ACSM3: variants seen among roughly 807,000 people sequenced by gnomAD.
ACSM3 encodes the protein acyl-CoA synthetase medium chain family member 3.
A neutral mutation model predicts 74.1 loss-of-function variants in ACSM3; 61 were observed. The observed-to-expected ratio is 0.82, with a 90% CI of 0.67 to 1.02. The LOEUF (loss-of-function observed/expected upper bound fraction) is 1.02. ACSM3 is among the 50% of genes least tolerant of loss of function. The pLI is 0.00. For missense variants in ACSM3, 660 were observed against 697.0 expected (o/e 0.95, Z 0.60); for synonymous variants, 213 against 241.5 (o/e 0.88, Z 1.09).
chr16:20,797,014 A>G lies in ACSM3; in HGVS notation c.*42A>G, dbSNP rs1186904021. On this transcript the variant is annotated 3_prime_UTR_variant, in exon 14 of 14. Coordinates refer to ENST00000289416, the MANE Select transcript of ACSM3 (RefSeq NM_005622.4). Reference sequence around the variant, plus strand: ...ACCATATCTATAAAACAAACATAGTATCTGTCAATCTCTAGAAACCACAAG... The same window carrying G: ...ACCATATCTATAAAACAAACATAGTGTCTGTCAATCTCTAGAAACCACAAG... The G allele has an allele frequency of 6.3e-7, 1 of 1,596,576 alleles. No homozygotes were observed. The highest frequency in any genetic ancestry group is 8.5e-7 in the Non-Finnish European group (1 of 1,174,144).
At chr16:20,683,164 C>T (rs1244049234) in intron 1 of ACSM3, among the ~76,000 whole-genome samples, 1 of 151,980 alleles carries the variant, frequency 6.6e-6, no homozygotes, top group Admixed American at 6.6e-5. Context: ...GTCACCCAGG[C>T]TGGAGTGCAG....
Position 20,780,800 on chromosome 16 carries a change from C to T in ACSM3, c.725C>T (p.Pro242Leu), listed in dbSNP as rs137879235. 1.6e-3 allele frequency: 2,513 copies of T among 1,614,168 alleles called. 2 individuals are homozygous for T. Among genetic ancestry groups the T allele is most frequent in the Non-Finnish European group, 2.0e-3 (2,325 of 1,180,024 alleles). ...TTTACCAGTGGAACAAGTGGATATCCGAAAATGACTGCACACACCCACAGC... is the reference window on the plus strand; with the variant it reads ...TTTACCAGTGGAACAAGTGGATATCTGAAAATGACTGCACACACCCACAGC... ...IFFTSGTSGY[P>L]KMTAHTHSSF... Residue 242 changes from proline to leucine, a missense_variant, in exon 5 of 14, where the codon CCG becomes CTG. Pro to Leu is a moderately conservative substitution (Grantham distance 98, BLOSUM62 -3). Transcript: ENST00000289416.
intron 1 of ACSM3, among the ~76,000 whole-genome samples, chr16:20,769,555 C>A (rs1207262717): frequency 1.3e-5 from 2 of 152,196 alleles, no homozygotes; most frequent in Non-Finnish European, 2.9e-5. Flanking sequence ...ACATTTCTAC[C>A]CTACTTTGAA....
chr16:20,690,083 T>G (rs988698021), intron 1 of ACSM3, among the ~76,000 whole-genome samples: 4 of 152,342 alleles, frequency 2.6e-5, no homozygotes, highest in African/African-American at 9.6e-5. Flanking sequence ...GAGGTTACTA[T>G]GCAAATTCAG....
At chr16:20,739,232 G>C (rs1240940820) in intron 1 of ACSM3, among the ~76,000 whole-genome samples, 7 of 151,394 alleles carry the variant, frequency 4.6e-5, no homozygotes, top group Non-Finnish European at 8.8e-5. Context: ...CTGGAGTGCA[G>C]TGGTGCGATC....
At chr16:20,782,967 T>C (rs796731962) in intron 7 of ACSM3, among the ~76,000 whole-genome samples, 3 of 152,284 alleles carry the variant, frequency 2.0e-5, no homozygotes, top group African/African-American at 7.2e-5. Flanking sequence ...TCTCCAAACC[T>C]CATACTTCAG....
At chr16:20,765,451 C>G (rs974821501) in intron 1 of ACSM3, among the ~76,000 whole-genome samples, 1 of 152,060 alleles carries the variant, frequency 6.6e-6, no homozygotes. Flanking sequence ...TTTCAACATA[C>G]GTTTGAAGGA....
At chr16:20,789,425 G>C in intron 9 of ACSM3, 1 of 1,298,082 alleles carries the variant, frequency 7.7e-7, no homozygotes, top group Non-Finnish European at 1.1e-6. Flanking sequence ...AGACACTTCA[G>C]GGAATGATGA....
At chr16:20,714,991 C>T (rs965828921) in intron 1 of ACSM3, among the ~76,000 whole-genome samples, 33 of 96,402 alleles carry the variant, frequency 3.4e-4, no homozygotes, top group African/African-American at 6.4e-4. Context: ...GATGGATAGA[C>T]GAAAGATAGA....
chr16:20,768,586 G>C (rs2152453851), intron 1 of ACSM3, among the ~76,000 whole-genome samples: 1 of 152,214 alleles, frequency 6.6e-6, no homozygotes, highest in South Asian at 2.1e-4. Context: ...AATGGGCCCA[G>C]AGCCCACTCT....
intron 1 of ACSM3, chr16:20,679,613 T>C (rs978834729): frequency 3.3e-5 from 5 of 152,218 alleles, no homozygotes; most frequent in Admixed American, 1.3e-4. Flanking sequence ...TTTCTGCCTA[T>C]ACTAGAAGGG....
In ACSM3 at chr16:20,797,024, C is replaced by CTA. The variant is rs756687056; in HGVS notation, c.*53_*54insAT. The CTA allele has an allele frequency of 2.3e-5, 36 of 1,588,028 alleles. No individual in the cohort carries two copies. In the East Asian group the frequency reaches 7.7e-4, roughly 34 times the overall value. On this transcript the variant is annotated 3_prime_UTR_variant, in exon 14 of 14. Coordinates refer to ENST00000289416, the MANE Select transcript of ACSM3 (RefSeq NM_005622.4). ...TAAAACAAACATAGTATCTGTCAAT[C>CTA]TCTAGAAACCACAAGATGATGGAGA...
intron 1 of ACSM3, among the ~76,000 whole-genome samples, chr16:20,694,150 C>T (rs1315717302): frequency 6.6e-6 from 1 of 152,194 alleles, no homozygotes; most frequent in Non-Finnish European, 1.5e-5. Context: ...TTCCTTTGTT[C>T]TCCTCTACCT....
At position 20,784,318 on chromosome 16, in the gene ACSM3, G is replaced by A. The variant is rs538938168; in HGVS notation, c.1020-666G>A. Among the ~76,000 whole-genome samples, 34 of 152,158 alleles carry A rather than the reference G, an allele frequency of 2.2e-4. No homozygotes were observed. In the South Asian group the frequency reaches 7.1e-3, roughly 32 times the overall value. On this transcript the variant is annotated intron_variant, in intron 7 of 13. Transcript: ENST00000289416. ...TTTCTAGTGTTCAATATCCATATAGGGCTAGCATATACTGTAGTGGGTACA... is the reference window on the plus strand; with the variant it reads ...TTTCTAGTGTTCAATATCCATATAGAGCTAGCATATACTGTAGTGGGTACA...
intron 2 of ACSM3, among the ~76,000 whole-genome samples, chr16:20,772,172 A>G (rs1007703667): frequency 1.3e-5 from 2 of 152,108 alleles, no homozygotes; most frequent in African/African-American, 4.8e-5. Context: ...ATAGTTCACA[A>G]ATATTTTCTC....
intron 2 of ACSM3, among the ~76,000 whole-genome samples, chr16:20,750,862 T>TTTTTTTTTTTAAAGGG (rs2079984480): frequency 6.7e-6 from 1 of 149,810 alleles, no homozygotes; most frequent in African/African-American, 2.5e-5. Context: ...TTTTTTTTTT[T>TTTTTTTTTTTAAAGGG]GAAACGGAGT....
chr16:20,691,576 T>C (rs1428405181), intron 1 of ACSM3, among the ~76,000 whole-genome samples: 5 of 152,166 alleles, frequency 3.3e-5, no homozygotes, highest in Non-Finnish European at 7.4e-5. Context: ...CTGTACCTTA[T>C]AGTGTCTTTA....
chr16:20,691,217 A>G (rs769691805), intron 1 of ACSM3: 1 of 1,511,918 alleles, frequency 6.6e-7, no homozygotes, highest in Non-Finnish European at 8.8e-7. Context: ...AACCAGGCAC[A>G]GAGTTCTCAA....
intron 2 of ACSM3, among the ~76,000 whole-genome samples, chr16:20,771,826 T>C (rs8054255): frequency 0.048 from 7,377 of 152,300 alleles, 598 homozygotes; most frequent in African/African-American, 0.17. Flanking sequence ...TTTTCTGCAA[T>C]GGCTGTACTA....
Sources: allele counts gnomAD v4.1 joint callset (sites outside exome capture counted in the v4.1 genomes callset), GRCh38; gene constraint gnomAD v4.1.1; transcripts MANE v1.5; gene names NCBI Gene and HGNC (gene_info 2026-07-23, HGNC 2026-07-21).